Variants in LMTK3 observed in about 807,000 individuals in gnomAD.
LMTK3 encodes the protein serine/threonine-protein kinase LMTK3.
In LMTK3, 27 loss-of-function variants were observed where a neutral mutation model predicts 116.7. The observed-to-expected ratio is 0.23, with a 90% CI of 0.17 to 0.32. The LOEUF (loss-of-function observed/expected upper bound fraction) is 0.32, where lower values mean the gene tolerates loss of function less well. Among genes scored for constraint, LMTK3 ranks in the 10% least tolerant of loss-of-function variants. The probability of loss-of-function intolerance (pLI) is 1.00; values close to 1 mark genes in which losing one functional copy is unlikely to be tolerated. For synonymous variants in LMTK3, 965 were observed against 971.0 expected (o/e 0.99, Z 0.11); for missense variants, 1,764 against 2,068.5 (o/e 0.85, Z 2.86).
Position 48,501,342 on chromosome 19 carries a change from G to T in LMTK3, c.942C>A (p.Leu314=), listed in dbSNP as rs55643178. Residue 314 remains leucine, a synonymous_variant, in exon 9 of 15, where the codon CTC becomes CTA. Transcript: ENST00000600059. The stretch of plus-strand genomic sequence containing the variant: ...TGAAGGTCCCGTGGAGCTCCCCGAG[G>T]AGCTCGGGCGCCGCCCAGCGCAGTG... ...WIPLRWAAPE[L]LGELHGTFMV... The T allele has an allele frequency of 2.4e-4, 388 of 1,613,390 alleles. No individual in the cohort carries two copies. The African/African-American group carries it at 3.9e-3, about 16-fold the overall frequency.
rs1972274487 is a variant in LMTK3 at position 48,493,861 on chromosome 19, C to A, written c.3925G>T (p.Ala1309Ser). 8.2e-7 allele frequency: 1 copy of A among 1,224,728 alleles called. No homozygotes were observed. Among genetic ancestry groups the A allele is most frequent in the African/African-American group, 1.6e-5 (1 of 63,098 alleles). 75.9% of individuals were successfully genotyped at this position (1,224,728 alleles called of 1,614,324 possible). Residue 1309 changes from alanine to serine, a missense_variant, in exon 12 of 15, where the codon GCC becomes TCC. Coordinates refer to ENST00000600059, the MANE Select transcript of LMTK3 (RefSeq NM_001388485.1). Reference protein sequence around the residue: ...GPRGPGRARAAPVPVVVSSAD... With the variant: ...GPRGPGRARASPVPVVVSSAD... ...CTGCTCACCACGACGGGCACCGGGGCTGCTCGCGCCCTCCCGGGGCCCCGC... is the reference window on the plus strand; with the variant it reads ...CTGCTCACCACGACGGGCACCGGGGATGCTCGCGCCCTCCCGGGGCCCCGC...
Position 48,498,751 on chromosome 19 carries a change from G to T in LMTK3, c.2318C>A (p.Pro773His). 3 of 1,506,620 alleles carry T rather than the reference G, an allele frequency of 2.0e-6. No homozygotes were observed. The highest frequency in any genetic ancestry group is 1.8e-6 in the Non-Finnish European group (2 of 1,133,530). The allele number at this position is 1,506,620 out of a possible 1,614,324, so 93.3% of individuals were successfully genotyped here. ...PADPAASPDPPSAVASPGSGL... is the reference protein window; with the variant it reads ...PADPAASPDPHSAVASPGSGL... ...TGAACCGGGACTGGCCACGGCCGAA[G>T]GGGGGTCGGGGGACGCGGCCGGGTC... The change falls in exon 11 of 15, where the codon CCT becomes CAT. Residue 773 changes from proline (P) to histidine (H), a missense_variant. Physicochemically the swap from Pro to His is moderately conservative, Grantham distance 77. Coordinates refer to ENST00000600059, the MANE Select transcript of LMTK3 (RefSeq NM_001388485.1).
At chr19:48,488,842 C>T (rs967709333) in intron 14 of LMTK3, among the ~76,000 whole-genome samples, 1 of 151,388 alleles carries the variant, frequency 6.6e-6, no homozygotes, top group South Asian at 2.1e-4. Context: ...CAGGTTTAAG[C>T]GATTCTCCTG....
At position 48,498,657 on chromosome 19, in the gene LMTK3, C is replaced by G; in HGVS notation, c.2412G>C (p.Glu804Asp). ...CCGCCCCCCCACCTGGGAAGGCTCC[C>G]TCTGGGGAAAAAGGGGTCTCGGTCT... ...GYETETPFSP[E>D]GAFPGGGAAE... is the part of the protein sequence containing the mutation. The change falls in exon 11 of 15, where the codon GAG (glutamate) becomes GAC (aspartate). Residue 804 changes from glutamate to aspartate, a missense_variant. Physicochemically the swap from Glu to Asp is conservative, Grantham distance 45. Transcript: ENST00000600059. The G allele has an allele frequency of 6.5e-7, 1 of 1,541,886 alleles. No individual in the cohort carries two copies. Among genetic ancestry groups the G allele is most frequent in the African/African-American group, 1.4e-5 (1 of 72,728 alleles).
chr19:48,511,550 G>T lies in LMTK3; in HGVS notation c.27C>A (p.Leu9=). 2 of 1,445,264 alleles carry T rather than the reference G, an allele frequency of 1.4e-6. No homozygotes were observed. Among genetic ancestry groups the T allele is most frequent in the East Asian group, 5.5e-5 (2 of 36,426 alleles). 89.5% of individuals were successfully genotyped at this position (1,445,264 alleles called of 1,614,324 possible). MPAPGALI[L]LAAVSASGCL... is the part of the protein sequence containing the mutation. ...AGCCGGAGGCGGAGACGGCCGCAAGGAGGATGAGGGCGCCGGGGGCAGGCA... is the reference window on the plus strand; with the variant it reads ...AGCCGGAGGCGGAGACGGCCGCAAGTAGGATGAGGGCGCCGGGGGCAGGCA... The change falls in exon 1 of 15, where the codon CTC becomes CTA. Residue 9 remains leucine, a synonymous_variant. Coordinates refer to ENST00000600059, the MANE Select transcript of LMTK3 (RefSeq NM_001388485.1).
rs1231312015 is a variant in LMTK3 at position 48,494,195 on chromosome 19, C to T, written c.3677-86G>A. ...CTAGCTGTGTGGCCTCAGATAAGAC[C>T]CCCGCACAATCTGGGCCTCAGCACC... is the stretch of plus-strand genomic sequence containing the variant. On this transcript the variant is annotated intron_variant, in intron 11 of 14. Transcript: ENST00000600059. This position sits in a 1 kb window ranked among gnomAD's most constrained non-coding sequence, Gnocchi z 4.0. The T allele has an allele frequency of 2.4e-6, 2 of 821,102 alleles. No homozygotes were observed. The highest frequency in any genetic ancestry group is 3.1e-6 in the Non-Finnish European group (2 of 654,458). 50.9% of individuals were successfully genotyped at this position (821,102 alleles called of 1,614,324 possible).
intron 14 of LMTK3, among the ~76,000 whole-genome samples, chr19:48,490,583 G>A (rs8108419): frequency 0.21 from 31,838 of 149,626 alleles, 3,600 homozygotes; most frequent in South Asian, 0.32. Context: ...CCATGGGATC[G>A]CAATGAACAT....
Position 48,494,277 on chromosome 19 carries a change from C to T in LMTK3, c.3677-168G>A, listed in dbSNP as rs73573947. ...TTCTCCAGGCAGGGTGGGAAAGGTC[C>T]TCTCCAGTGCTCAACCTCCCCAGAG... On this transcript the variant is annotated intron_variant, in intron 11 of 14. Coordinates refer to ENST00000600059, the MANE Select transcript of LMTK3 (RefSeq NM_001388485.1). The surrounding 1 kb of genome is among the most constrained non-coding windows in gnomAD (Gnocchi z 4.0). 6.6e-6 allele frequency among the ~76,000 whole-genome samples: 1 copy of T among 152,328 alleles called. No individual in the cohort carries two copies. The highest frequency in any genetic ancestry group is 2.4e-5 in the African/African-American group (1 of 41,582).
In LMTK3 at chr19:48,494,843, A is replaced by G. The variant is rs1243690786; in HGVS notation, c.3677-734T>C. Among the ~76,000 whole-genome samples the G allele has an allele frequency of 6.6e-6, 1 of 152,048 alleles. No individual in the cohort carries two copies. ...TACTACCTTTTGCTATTCTCTAAACATGGTGAGCCAGTGCACATCTCAGTG... is the reference window on the plus strand; with the variant it reads ...TACTACCTTTTGCTATTCTCTAAACGTGGTGAGCCAGTGCACATCTCAGTG... On this transcript the variant is annotated intron_variant, in intron 11 of 14. Coordinates refer to ENST00000600059, the MANE Select transcript of LMTK3 (RefSeq NM_001388485.1). The surrounding 1 kb of genome is among the most constrained non-coding windows in gnomAD (Gnocchi z 4.0).
chr19:48,507,107 T>C (rs1329061432), intron 5 of LMTK3, among the ~76,000 whole-genome samples: 2 of 152,150 alleles, frequency 1.3e-5, no homozygotes, highest in Non-Finnish European at 2.9e-5. Context: ...GCTCCTGCCA[T>C]GTGTGGGGCT....
At position 48,499,602 on chromosome 19, in the gene LMTK3, G is replaced by A. The variant is rs1972422146; in HGVS notation, c.1467C>T (p.Gly489=). 1.3e-6 allele frequency: 2 copies of A among 1,540,562 alleles called. No individual in the cohort carries two copies. Among genetic ancestry groups the A allele is most frequent in the Admixed American group, 2.0e-5 (1 of 49,166 alleles). The change falls in exon 11 of 15, where the codon GGC becomes GGT. Residue 489 remains glycine, a synonymous_variant. Transcript: ENST00000600059. ...CLWEKARRGA[G]RGGGAPAWQP... is the part of the protein sequence containing the mutation. ...GCCAGGCAGGTGCCCCCCCACCCCG[G>A]CCGGCCCCACGCCGGGCCTTCTCCC...
At chr19:48,486,741 G>T (rs961422194) in intron 14 of LMTK3, among the ~76,000 whole-genome samples, 1 of 150,354 alleles carries the variant, frequency 6.7e-6, no homozygotes, top group Admixed American at 6.6e-5. Context: ...TTTTTACTGT[G>T]TTAGCCAGGA....
At position 48,497,549 on chromosome 19, in the gene LMTK3, G is replaced by A; in HGVS notation, c.3520C>T (p.Pro1174Ser). 1 of 1,373,206 alleles carries A rather than the reference G, an allele frequency of 7.3e-7. No individual in the cohort carries two copies. The highest frequency in any genetic ancestry group is 1.9e-5 in the South Asian group (1 of 53,086). 85.1% of individuals were successfully genotyped at this position (1,373,206 alleles called of 1,614,324 possible). ...APPRARPEVA[P>S]EGEPGAPDSR... ...TCTGGGGCCCCGGGCTCTCCCTCGG[G>A]GGCCACCTCCGGCCTGGCTCTCGGG... The change falls in exon 11 of 15, where the codon CCC becomes TCC. Residue 1174 changes from proline to serine, a missense_variant. This residue lies in a region of LMTK3 where 1,028 missense variants were observed against 1,050.6 expected (regional missense o/e 0.98). Transcript: ENST00000600059. This position sits in a 1 kb window ranked among gnomAD's most constrained non-coding sequence, Gnocchi z 5.7.
chr19:48,501,598 A>G (rs1569105084), intron 7 of LMTK3, 36 bp from the exon 8 acceptor site: 1 of 1,561,218 alleles, frequency 6.4e-7, no homozygotes, highest in Non-Finnish European at 8.6e-7. Context: ...GCGCAGGGGC[A>G]GCCCTCCAGC....
chr19:48,509,062 CG>C, intron 4 of LMTK3, 93 bp from the exon 5 acceptor site: 1 of 805,730 alleles, frequency 1.2e-6, no homozygotes. Context: ...TCCCAACCCC[CG>C]GCTCCTTCCC....
intron 12 of LMTK3, 118 bp downstream of exon 12, chr19:48,493,576 G>C: frequency 1.1e-5 from 8 of 726,506 alleles, no homozygotes; most frequent in South Asian, 3.9e-5. Context: ...CTCCAGCTCC[G>C]CCTCCCTCCA....
chr19:48,487,008 G>A (rs1972135600), intron 14 of LMTK3, among the ~76,000 whole-genome samples: 1 of 151,486 alleles, frequency 6.6e-6, no homozygotes, highest in South Asian at 2.1e-4. Context: ...TGGGATTGCA[G>A]GTGCCTGCCA....
At chr19:48,495,260 T>C (rs1368212132) in intron 11 of LMTK3, among the ~76,000 whole-genome samples, 1 of 152,092 alleles carries the variant, frequency 6.6e-6, no homozygotes, top group African/African-American at 2.4e-5. Flanking sequence ...TCCTCCCACC[T>C]CGGCCTCCCA....
chr19:48,510,566 G>T lies in LMTK3; in HGVS notation c.103C>A (p.Leu35Met). The T allele has an allele frequency of 6.3e-7, 1 of 1,595,278 alleles. No individual in the cohort carries two copies. The highest frequency in any genetic ancestry group is 8.5e-7 in the Non-Finnish European group (1 of 1,172,042). ...PDGFALGRAP[L>M]APPYAVVLIS... is the part of the protein sequence containing the mutation. ...AGGACCACAGCGTAGGGAGGAGCCA[G>T]AGGAGCCCGGCCCAGGGCGAATCCA... Residue 35 changes from leucine (L) to methionine (M), a missense_variant, in exon 2 of 15, where the codon CTG (leucine) becomes ATG (methionine). By Grantham distance (15) the Leu-to-Met change is conservative. Transcript: ENST00000600059.
Sources: gnomAD v4.1 joint callset for allele counts (sites outside exome capture counted in the v4.1 genomes callset) on GRCh38, gnomAD v4.1.1 for gene constraint, gnomAD v4.1.1 regional missense constraint, Gnocchi (gnomAD v3.1) non-coding constraint, MANE v1.5 for transcripts, NCBI Gene and HGNC (gene_info 2026-07-23, HGNC 2026-07-21) for gene names.